Variants in SLC38A10 observed in about 807,000 individuals in gnomAD.
The protein encoded by SLC38A10 is Sodium-coupled neutral amino acid transporter 10.
In SLC38A10, 53 loss-of-function variants were observed where a neutral mutation model predicts 81.0. The observed-to-expected ratio is 0.65, with a 90% confidence interval of 0.53 to 0.82. The LOEUF (loss-of-function observed/expected upper bound fraction) is 0.82. Ranked by LOEUF, SLC38A10 falls within the 40% of genes least tolerant of loss-of-function variation. SLC38A10 has a pLI of 0.00. For synonymous variants in SLC38A10, 665 were observed against 655.3 expected (o/e 1.01, Z -0.23); for missense variants, 1,471 against 1,545.0 (o/e 0.95, Z 0.80).
chr17:81,252,192 C>T lies in SLC38A10; in HGVS notation c.1945+3G>A, dbSNP rs2062921730. 2 of 1,503,940 alleles carry T rather than the reference C, an allele frequency of 1.3e-6. No individual in the cohort carries two copies. The highest frequency in any genetic ancestry group is 2.8e-5 in the African/African-American group (2 of 71,608). The allele number at this position is 1,503,940 out of a possible 1,614,324, so 93.2% of individuals were successfully genotyped here. A position where few individuals can be genotyped will look rare whatever the true frequency, so the allele number is the denominator to read the frequency against. The stretch of plus-strand genomic sequence containing the variant: ...TCCGACACGAGCCCAGGCTGACACC[C>T]ACCGTGGTCGCTGTCCTCTGCGGGC... On this transcript the variant is annotated splice_donor_region_variant and intron_variant, in intron 13 of 15. Coordinates refer to ENST00000374759, the MANE Select transcript of SLC38A10 (RefSeq NM_001037984.3).
rs1395600395 is a variant in SLC38A10 at position 81,245,936 on chromosome 17, C to A, written c.2980G>T (p.Val994Leu). 1.9e-6 allele frequency: 3 copies of A among 1,609,228 alleles called. No homozygotes were observed. The highest frequency in any genetic ancestry group is 4.5e-5 in the East Asian group (2 of 44,782). The stretch of plus-strand genomic sequence containing the variant: ...CTCGGCTGCTCGTGGGACACAGGCA[C>A]ATGGTCCCCCCCGCGGGCCTTTCTC... ...EMRKARGGDH[V>L]PVSHEQPRGG... is the part of the protein sequence containing the mutation. The change falls in exon 16 of 16, where the codon GTG (valine) becomes TTG (leucine). Residue 994 changes from valine to leucine, a missense_variant. By Grantham distance (32) the Val-to-Leu change is conservative. This residue lies in a region of SLC38A10 where 751 missense variants were observed against 717.4 expected (regional missense o/e 1.05). Coordinates refer to ENST00000374759, the MANE Select transcript of SLC38A10 (RefSeq NM_001037984.3).
At chr17:81,261,317 C>T (rs971001476) in intron 10 of SLC38A10, among the ~76,000 whole-genome samples, 5 of 152,230 alleles carry the variant, frequency 3.3e-5, no homozygotes, top group Non-Finnish European at 2.9e-5. Flanking sequence ...GCCACGGCAG[C>T]GGGTGCTGGT....
In SLC38A10 at chr17:81,277,610, G is replaced by A. The variant is rs774503232; in HGVS notation, c.627-477C>T. 1.3e-3 allele frequency among the ~76,000 whole-genome samples: 205 copies of A among 152,344 alleles called. 1 individual carries two copies. The highest frequency in any genetic ancestry group is 2.5e-3 in the South Asian group (12 of 4,830). The stretch of plus-strand genomic sequence containing the variant: ...CAGACAAGGAGGCGGCCTGGGGCGC[G>A]ATTCCCCACTGCAGCCTCTCACTTG... On this transcript the variant is annotated intron_variant, in intron 6 of 15. Coordinates refer to ENST00000374759, the MANE Select transcript of SLC38A10 (RefSeq NM_001037984.3). The surrounding 1 kb of genome is among the most constrained non-coding windows in gnomAD (Gnocchi z 4.5).
rs544146601 is a variant in SLC38A10, at chr17:81,293,985, C to T, written c.99+838G>A. 9.9e-5 allele frequency among the ~76,000 whole-genome samples: 15 copies of T among 152,240 alleles called. No individual in the cohort carries two copies. The South Asian group carries it at 1.7e-3, about 17-fold the overall frequency. ...TTGAGATTTTTTCCAACTGTGGTAA[C>T]GTCTGCACACATTAGATCAAATGTG... On this transcript the variant is annotated intron_variant, in intron 1 of 15. Coordinates refer to ENST00000374759, the MANE Select transcript of SLC38A10 (RefSeq NM_001037984.3).
At chr17:81,262,105 G>A (rs1486385892) in intron 10 of SLC38A10, among the ~76,000 whole-genome samples, 5 of 152,240 alleles carry the variant, frequency 3.3e-5, no homozygotes, top group Non-Finnish European at 7.3e-5. Flanking sequence ...TCGCGAGGCT[G>A]CCCGATCTGT....
In SLC38A10 at chr17:81,246,671, C is replaced by T. The variant is rs536676943; in HGVS notation, c.2245G>A (p.Glu749Lys). Residue 749 changes from glutamate (E) to lysine (K), a missense_variant and splice_region_variant, in exon 16 of 16, where the codon GAG becomes AAG. This residue lies in a region of SLC38A10 where 751 missense variants were observed against 717.4 expected (regional missense o/e 1.05). Coordinates refer to ENST00000374759, the MANE Select transcript of SLC38A10 (RefSeq NM_001037984.3). ...EDEEDKPRQV[E>K]VHQEPGAAVP... ...GCTGCCCCGGGCTCTTGATGCACCT[C>T]CACTGCAAATGAAGTCGGTCATCAA... 6.6e-7 allele frequency: 1 copy of T among 1,505,196 alleles called. No homozygotes were observed. The highest frequency in any genetic ancestry group is 2.3e-5 in the East Asian group (1 of 43,182). The allele number at this position is 1,505,196 out of a possible 1,614,324, so 93.2% of individuals were successfully genotyped here.
In SLC38A10 at chr17:81,265,848, T is replaced by C. The variant is rs1290118855; in HGVS notation, c.1131+5070A>G. 2.0e-5 allele frequency among the ~76,000 whole-genome samples: 3 copies of C among 152,220 alleles called. No homozygotes were observed. The highest frequency in any genetic ancestry group is 1.5e-5 in the Non-Finnish European group (1 of 68,002). On this transcript the variant is annotated intron_variant, in intron 10 of 15. Transcript: ENST00000374759. This position sits in a 1 kb window ranked among gnomAD's most constrained non-coding sequence, Gnocchi z 4.2. ...GGCCCCACGACCTACTGCGGAGCCGTAGGAGCGCTGGGGACAGGACGCACC... is the reference window on the plus strand; with the variant it reads ...GGCCCCACGACCTACTGCGGAGCCGCAGGAGCGCTGGGGACAGGACGCACC...
rs188639895 is a variant in SLC38A10 at position 81,293,694 on chromosome 17, T to A, written c.99+1129A>T. On this transcript the variant is annotated intron_variant, in intron 1 of 15. Coordinates refer to ENST00000374759, the MANE Select transcript of SLC38A10 (RefSeq NM_001037984.3). Reference sequence around the variant, plus strand: ...TACTATGTTGCCCAGGCTGAAAAAATTTTTTGGATATTTTTATTCCAAAGA... The same window carrying A: ...TACTATGTTGCCCAGGCTGAAAAAAATTTTTGGATATTTTTATTCCAAAGA... Among the ~76,000 whole-genome samples, 6 of 152,138 alleles carry A rather than the reference T, an allele frequency of 3.9e-5. No individual in the cohort carries two copies. The East Asian group carries it at 7.7e-4, about 20-fold the overall frequency.
chr17:81,256,532 A>G (rs2062974266), intron 11 of SLC38A10, among the ~76,000 whole-genome samples: 2 of 152,206 alleles, frequency 1.3e-5, no homozygotes, highest in Admixed American at 6.5e-5. Flanking sequence ...CGGCCCCCAG[A>G]CGAAGTGACT....
chr17:81,287,553 G>A (rs1260085884), intron 2 of SLC38A10, among the ~76,000 whole-genome samples: 4 of 152,248 alleles, frequency 2.6e-5, no homozygotes, highest in Non-Finnish European at 4.4e-5. Flanking sequence ...CTCACGCAGT[G>A]GAACCACCGT....
chr17:81,276,096 A>G lies in SLC38A10; in HGVS notation c.785T>C (p.Met262Thr), dbSNP rs762121610. 5 of 1,613,906 alleles carry G rather than the reference A, an allele frequency of 3.1e-6. No homozygotes were observed. The highest frequency in any genetic ancestry group is 4.2e-6 in the Non-Finnish European group (5 of 1,179,976). ...FTEATAGNVLMHFPSNLVTEM... is the reference protein window; with the variant it reads ...FTEATAGNVLTHFPSNLVTEM... The stretch of plus-strand genomic sequence containing the variant: ...CGTCACCAGGTTGGAGGGAAAGTGC[A>G]TGAGCACGTTGCCGGCCGTGGCCTC... Residue 262 changes from methionine (M) to threonine (T), a missense_variant, in exon 8 of 16, where the codon ATG becomes ACG. Physicochemically the swap from Met to Thr is moderately conservative, Grantham distance 81 (BLOSUM62 -1). Coordinates refer to ENST00000374759, the MANE Select transcript of SLC38A10 (RefSeq NM_001037984.3). This position sits in a 1 kb window ranked among gnomAD's most constrained non-coding sequence, Gnocchi z 4.7.
chr17:81,246,197 G>T lies in SLC38A10; in HGVS notation c.2719C>A (p.Leu907Met). Reference protein sequence around the residue: ...KEVAATGTSILKEANWLVAGP... With the variant: ...KEVAATGTSIMKEANWLVAGP... ...GCCACGAGCCAGTTGGCTTCCTTCAGAATGCTGGTGCCAGTGGCTGCCACC... is the reference window on the plus strand; with the variant it reads ...GCCACGAGCCAGTTGGCTTCCTTCATAATGCTGGTGCCAGTGGCTGCCACC... The change falls in exon 16 of 16, where the codon CTG becomes ATG. Residue 907 changes from leucine to methionine, a missense_variant. By Grantham distance (15) the Leu-to-Met change is conservative. Transcript: ENST00000374759. The T allele has an allele frequency of 6.2e-7, 1 of 1,612,690 alleles. No individual in the cohort carries two copies. The highest frequency in any genetic ancestry group is 8.5e-7 in the Non-Finnish European group (1 of 1,179,950).
intron 1 of SLC38A10, among the ~76,000 whole-genome samples, chr17:81,290,794 T>C (rs1335543740): frequency 6.6e-6 from 1 of 151,576 alleles, no homozygotes; most frequent in Non-Finnish European, 1.5e-5. Flanking sequence ...GATCACGAGG[T>C]CAGGAGATCG....
intron 14 of SLC38A10, among the ~76,000 whole-genome samples, chr17:81,248,113 G>A (rs144367417): frequency 0.11 from 16,403 of 151,504 alleles, 898 homozygotes; most frequent in East Asian, 0.21. Flanking sequence ...GCCCGCCACC[G>A]CGCCCGGCTA....
At chr17:81,255,967 G>A in intron 11 of SLC38A10, among the ~76,000 whole-genome samples, 1 of 152,116 alleles carries the variant, frequency 6.6e-6, no homozygotes. Context: ...GGGCGACAGA[G>A]CGAGACTCCA....
At chr17:81,287,967 G>A (rs528031026) in intron 2 of SLC38A10, among the ~76,000 whole-genome samples, 258 of 152,338 alleles carry the variant, frequency 1.7e-3, no homozygotes, top group African/African-American at 5.5e-3. Context: ...GCCCAGGCAC[G>A]GTGCCTCCTG....
chr17:81,283,273 C>T lies in SLC38A10; in HGVS notation c.357+136G>A, dbSNP rs956457088. The T allele has an allele frequency of 4.0e-6, 3 of 746,088 alleles. No individual in the cohort carries two copies. Among genetic ancestry groups the T allele is most frequent in the African/African-American group, 3.5e-5 (2 of 56,838 alleles). 46.2% of individuals were successfully genotyped at this position (746,088 alleles called of 1,614,324 possible). A position where few individuals can be genotyped will look rare whatever the true frequency, so the allele number is the denominator to read the frequency against. On this transcript the variant is annotated intron_variant, in intron 4 of 15. Coordinates refer to ENST00000374759, the MANE Select transcript of SLC38A10 (RefSeq NM_001037984.3). This position sits in a 1 kb window ranked among gnomAD's most constrained non-coding sequence, Gnocchi z 4.7. Reference sequence around the variant, plus strand: ...AGCAAAGCCCCCGCACTCCACCAAGCCCCTAGAATGACAGCAGGCTCGACA... The same window carrying T: ...AGCAAAGCCCCCGCACTCCACCAAGTCCCTAGAATGACAGCAGGCTCGACA...
Position 81,260,403 on chromosome 17 carries a change from A to G in SLC38A10, c.1132-9T>C. On this transcript the variant is annotated splice_polypyrimidine_tract_variant and intron_variant, in intron 10 of 15. Coordinates refer to ENST00000374759, the MANE Select transcript of SLC38A10 (RefSeq NM_001037984.3). The stretch of plus-strand genomic sequence containing the variant: ...CCGACCCACAGCACCACCTGAGGAG[A>G]CAAAGACCCCAGGGGCGGGAGTCAC... 1 of 1,608,642 alleles carries G rather than the reference A, an allele frequency of 6.2e-7. No individual in the cohort carries two copies. Among genetic ancestry groups the G allele is most frequent in the Middle Eastern group, 1.7e-4 (1 of 5,928 alleles).
At chr17:81,287,869 T>G (rs529719798) in intron 2 of SLC38A10, among the ~76,000 whole-genome samples, 1 of 152,330 alleles carries the variant, frequency 6.6e-6, no homozygotes, top group African/African-American at 2.4e-5. Context: ...AGTTGGGGCC[T>G]CTGCTACAGA....
Sources: gnomAD v4.1 joint callset for allele counts (sites outside exome capture counted in the v4.1 genomes callset) on GRCh38, gnomAD v4.1.1 for gene constraint, gnomAD v4.1.1 regional missense constraint, Gnocchi (gnomAD v3.1) non-coding constraint, MANE v1.5 for transcripts, NCBI Gene and HGNC (gene_info 2026-07-23, HGNC 2026-07-21) for gene names.